C10orf90: variants seen among roughly 807,000 people sequenced by gnomAD.
The protein encoded by C10orf90 is (E2-independent) E3 ubiquitin-conjugating enzyme FATS.
A neutral mutation model predicts 62.5 loss-of-function variants in C10orf90; 56 were observed. That is an observed-to-expected ratio of 0.90 (90% CI 0.72 to 1.12). The LOEUF (loss-of-function observed/expected upper bound fraction) is 1.12. C10orf90 is among the 50% of genes most tolerant of loss of function. C10orf90 has a pLI of 0.00. For missense variants in C10orf90, 970 were observed against 880.4 expected, an observed-to-expected ratio of 1.10 and a Z score of -1.29; for synonymous variants, 386 against 340.4, an observed-to-expected ratio of 1.13 and a Z score of -1.47.
At chr10:126,448,220 G>T (rs1390881052) in intron 7 of C10orf90, among the ~76,000 whole-genome samples, 4 of 151,598 alleles carry the variant, frequency 2.6e-5, no homozygotes, top group African/African-American at 9.7e-5. Context: ...ACAGTAACAG[G>T]AGGAATTTTT....
chr10:126,480,514 C>T (rs1861111164), intron 4 of C10orf90, among the ~76,000 whole-genome samples: 1 of 152,232 alleles, frequency 6.6e-6, no homozygotes, highest in Non-Finnish European at 1.5e-5. Context: ...TGGCCCAGAG[C>T]TTGGGAGCTT....
chr10:126,608,916 C>T (rs952790065), intron 2 of C10orf90, among the ~76,000 whole-genome samples: 7 of 152,120 alleles, frequency 4.6e-5, no homozygotes, highest in African/African-American at 1.7e-4. Context: ...TAGAGGCAGC[C>T]TATGTAAACA....
intron 1 of C10orf90, among the ~76,000 whole-genome samples, chr10:126,667,754 A>G (rs1281147975): frequency 6.6e-6 from 1 of 152,206 alleles, no homozygotes; most frequent in Non-Finnish European, 1.5e-5. Context: ...CAGAGCTCCA[A>G]TATAGGCTCA....
chr10:126,570,366 CTA>C (rs1157841348), intron 2 of C10orf90, among the ~76,000 whole-genome samples: 3 of 152,236 alleles, frequency 2.0e-5, no homozygotes, highest in Admixed American at 1.3e-4. Flanking sequence ...AGTGTGCTCT[CTA>C]TGTTTCAGGA....
intron 2 of C10orf90, among the ~76,000 whole-genome samples, chr10:126,589,777 A>G (rs1235260997): frequency 6.6e-6 from 1 of 152,202 alleles, no homozygotes; most frequent in Non-Finnish European, 1.5e-5. Flanking sequence ...GACCAGTGAC[A>G]TAAAGCAACC....
intron 2 of C10orf90, among the ~76,000 whole-genome samples, chr10:126,543,775 C>A (rs1864428959): frequency 6.6e-6 from 1 of 152,216 alleles, no homozygotes; most frequent in African/African-American, 2.4e-5. Flanking sequence ...GATCAGTTTT[C>A]ATTAGCAGTG....
At chr10:126,642,266 C>T (rs1259421304) in intron 2 of C10orf90, among the ~76,000 whole-genome samples, 8 of 152,198 alleles carry the variant, frequency 5.3e-5, no homozygotes, top group South Asian at 2.1e-4. Context: ...GGTGCGGTGG[C>T]TCACGCTTGT....
chr10:126,525,500 G>A (rs748287619), intron 2 of C10orf90, among the ~76,000 whole-genome samples: 25 of 152,166 alleles, frequency 1.6e-4, no homozygotes, highest in South Asian at 1.0e-3. Flanking sequence ...GCCCAGAGCC[G>A]GAGCCTGCAG....
chr10:126,626,024 G>T (rs1479910559), intron 2 of C10orf90, among the ~76,000 whole-genome samples: 1 of 151,986 alleles, frequency 6.6e-6, no homozygotes, highest in Non-Finnish European at 1.5e-5. Context: ...AGCTACTTGG[G>T]AGGCTGAGGC....
chr10:126,659,748 T>C (rs1846470674), intron 1 of C10orf90, among the ~76,000 whole-genome samples: 1 of 152,252 alleles, frequency 6.6e-6, no homozygotes, highest in Admixed American at 6.5e-5. Context: ...TTTGTCCATC[T>C]GTCTGTCTGT....
At chr10:126,576,690 C>CATATACATATTATCTAT (rs1844622301) in intron 2 of C10orf90, among the ~76,000 whole-genome samples, 1 of 36,712 alleles carries the variant, frequency 2.7e-5, no homozygotes, top group African/African-American at 1.2e-4. Context: ...TATACATATA[C>CATATACATATTATCTAT]ATGTATATGT....
chr10:126,603,935 C>T (rs867575756), intron 2 of C10orf90, among the ~76,000 whole-genome samples: 1 of 152,130 alleles, frequency 6.6e-6, no homozygotes, highest in Non-Finnish European at 1.5e-5. Context: ...AATCCAGAGG[C>T]CCTCCCCTTC....
At chr10:126,625,536 C>G (rs374999953) in intron 2 of C10orf90, among the ~76,000 whole-genome samples, 8 of 152,174 alleles carry the variant, frequency 5.3e-5, no homozygotes, top group East Asian at 1.9e-4. Context: ...CTCCTGCCCC[C>G]CTTCTCCTGT....
chr10:126,557,010 TAAA>T (rs200947401), intron 2 of C10orf90, among the ~76,000 whole-genome samples: 23 of 131,936 alleles, frequency 1.7e-4, no homozygotes, highest in African/African-American at 5.1e-4. Flanking sequence ...TTAATCAATT[TAAA>T]AAAAAAAAAA....
intron 2 of C10orf90, among the ~76,000 whole-genome samples, chr10:126,612,640 C>T (rs1433979847): frequency 2.0e-5 from 3 of 152,248 alleles, no homozygotes; most frequent in South Asian, 2.1e-4. Flanking sequence ...AGGCCTCAAG[C>T]TCTCTCAGGT....
intron 2 of C10orf90, among the ~76,000 whole-genome samples, chr10:126,552,694 T>C (rs1864663709): frequency 6.6e-6 from 1 of 152,258 alleles, no homozygotes; most frequent in Admixed American, 6.5e-5. Flanking sequence ...AGAAAGGAAA[T>C]GCTGCAGCAG....
At chr10:126,442,275 A>G (rs1221189710) in intron 7 of C10orf90, among the ~76,000 whole-genome samples, 2 of 151,328 alleles carry the variant, frequency 1.3e-5, no homozygotes, top group East Asian at 3.9e-4. Context: ...CAGACAAAAC[A>G]AACTTTAAAG....
intron 1 of C10orf90, among the ~76,000 whole-genome samples, chr10:126,666,550 G>C (rs1846630640): frequency 2.0e-5 from 3 of 152,150 alleles, no homozygotes; most frequent in Admixed American, 6.5e-5. Flanking sequence ...AGCACGAGGA[G>C]GGGTGTGGGA....
intron 4 of C10orf90, among the ~76,000 whole-genome samples, chr10:126,466,584 G>C (rs1860302602): frequency 6.6e-6 from 1 of 152,102 alleles, no homozygotes; most frequent in Non-Finnish European, 1.5e-5. Flanking sequence ...AGTACAGAGG[G>C]AAGAGCAAAA....
Sources: gnomAD v4.1 joint callset for allele counts (sites outside exome capture counted in the v4.1 genomes callset) on GRCh38, gnomAD v4.1.1 for gene constraint, MANE v1.5 for transcripts, NCBI Gene and HGNC (gene_info 2026-07-23, HGNC 2026-07-21) for gene names.